TRABD: variants seen among roughly 807,000 people sequenced by gnomAD.
The protein encoded by TRABD is TraB domain containing, also known as traB domain-containing protein.
TRABD carries 23 observed loss-of-function variants against 39.6 expected under a neutral mutation model. The ratio of observed to expected loss-of-function variants is 0.58; its 90% CI spans 0.42 to 0.82. The LOEUF is 0.82. Among genes scored for constraint, TRABD ranks in the 40% least tolerant of loss-of-function variants. The pLI, the probability that TRABD is intolerant of heterozygous loss-of-function variation, is 0.00. For missense variants in TRABD, 487 were observed against 544.9 expected (o/e 0.89, Z 1.06); for synonymous variants, 243 against 232.1 (o/e 1.05, Z -0.43).
At chr22:50,191,181 G>C (rs765853547) in intron 1 of TRABD, among the ~76,000 whole-genome samples, 5 of 152,140 alleles carry the variant, frequency 3.3e-5, no homozygotes, top group Non-Finnish European at 7.4e-5. Context: ...AGAAGTCCCG[G>C]CTGTCCAAGA....
At chr22:50,192,810 G>A (rs2063954004) in intron 1 of TRABD, among the ~76,000 whole-genome samples, 1 of 11,016 alleles carries the variant, frequency 9.1e-5, no homozygotes, top group African/African-American at 1.7e-3. Context: ...ATGCTGGGGT[G>A]TCTGGGGACC....
At position 50,197,962 on chromosome 22, in the gene TRABD, G is replaced by C; in HGVS notation, c.811G>C (p.Ala271Pro). The change falls in exon 8 of 10, where the codon GCG becomes CCG. Residue 271 changes from alanine (A) to proline (P), a missense_variant. Around this residue, in one of 3 missense-constraint regions of TRABD, gnomAD observed 358 missense variants for 414.7 expected, o/e 0.86. Coordinates refer to ENST00000380909, the MANE Select transcript of TRABD (RefSeq NM_001320485.2). ...VYLTYMLRQA[A>P]RRLELPRASD... Reference sequence around the variant, plus strand: ...CCTAACCTACATGCTGCGCCAGGCCGCGCGGCGCCTCGAGCTGCCTCGGGC... The same window carrying C: ...CCTAACCTACATGCTGCGCCAGGCCCCGCGGCGCCTCGAGCTGCCTCGGGC... 1 of 1,612,554 alleles carries C rather than the reference G, an allele frequency of 6.2e-7. No homozygotes were observed. The highest frequency in any genetic ancestry group is 8.5e-7 in the Non-Finnish European group (1 of 1,179,824).
Position 50,194,410 on chromosome 22 carries a change from G to T in TRABD, c.183G>T (p.Pro61=). 6.2e-7 allele frequency: 1 copy of T among 1,612,916 alleles called. No homozygotes were observed. The highest frequency in any genetic ancestry group is 8.5e-7 in the Non-Finnish European group (1 of 1,179,800). ...GGCGGCGTCAGCGGCCCAACCTGCC[G>T]CGCACTGTGACCCAGTTGGTGGCTG... ...LKRRRQRPNL[P]RTVTQLVAED... The change falls in exon 4 of 10, where the codon CCG becomes CCT. Residue 61 remains proline, a synonymous_variant. Transcript: ENST00000380909.
chr22:50,189,349 T>A (rs2063834859), intron 1 of TRABD, among the ~76,000 whole-genome samples: 2 of 152,332 alleles, frequency 1.3e-5, no homozygotes, highest in South Asian at 4.1e-4. Context: ...GGACCCTGTC[T>A]GCCGGCTACC....
Position 50,198,251 on chromosome 22 carries a change from G to A in TRABD, c.956+65G>A. ...CCCCCAGGTGGAGGCTGAGCGCCCT[G>A]GAGGCCAACCACATGCGGCAGTGAC... On this transcript the variant is annotated intron_variant, in intron 9 of 9. Transcript: ENST00000380909. The surrounding 1 kb of genome is among the most constrained non-coding windows in gnomAD (Gnocchi z 7.9). 2 of 1,542,226 alleles carry A rather than the reference G, an allele frequency of 1.3e-6. No homozygotes were observed. Among genetic ancestry groups the A allele is most frequent in the Non-Finnish European group, 8.8e-7 (1 of 1,134,506 alleles).
At chr22:50,186,641 G>T (rs961416212) in intron 1 of TRABD, among the ~76,000 whole-genome samples, 1 of 152,152 alleles carries the variant, frequency 6.6e-6, no homozygotes, top group African/African-American at 2.4e-5. Context: ...GGGGGTGCTG[G>T]GGGAGGCCGA....
At chr22:50,197,763 A>AGGCCCCCCCCCCCCCCCCCCCGG in intron 7 of TRABD, 60 bp from the exon 8 acceptor site, 1 of 1,439,774 alleles carries the variant, frequency 6.9e-7, no homozygotes, top group Non-Finnish European at 9.7e-7. Context: ...CCACAGTGCC[A>AGGCCCCCCCCCCCCCCCCCCCGG]GCCCCACCCC....
rs1376863559 is a variant in TRABD at position 50,198,212 on chromosome 22, C to G, written c.956+26C>G. 6.3e-7 allele frequency: 1 copy of G among 1,583,188 alleles called. No individual in the cohort carries two copies. The highest frequency in any genetic ancestry group is 1.4e-5 in the African/African-American group (1 of 74,042). ...GTGAGTGCCCGCCCCTCCCTGCAAGCCCCACCCCACAAGCCCCCAGGTGGA... is the reference window on the plus strand; with the variant it reads ...GTGAGTGCCCGCCCCTCCCTGCAAGGCCCACCCCACAAGCCCCCAGGTGGA... On this transcript the variant is annotated intron_variant, in intron 9 of 9. Coordinates refer to ENST00000380909, the MANE Select transcript of TRABD (RefSeq NM_001320485.2). The surrounding 1 kb of genome is among the most constrained non-coding windows in gnomAD (Gnocchi z 7.9).
intron 2 of TRABD, among the ~76,000 whole-genome samples, chr22:50,193,296 G>A (rs182107686): frequency 1.3e-5 from 2 of 152,316 alleles, no homozygotes; most frequent in East Asian, 3.9e-4. Context: ...CTTGATGGCA[G>A]CCGTGCCAGT....
rs965246395 is a variant in TRABD at position 50,199,291 on chromosome 22, G to A, written c.*772G>A. On this transcript the variant is annotated 3_prime_UTR_variant, in exon 10 of 10. Coordinates refer to ENST00000380909, the MANE Select transcript of TRABD (RefSeq NM_001320485.2). ...AGCCCCCGGAGCGAAGGGGTGCCTG[G>A]GGCATCTTGGCCCTCTCTGGGCAGA... is the stretch of plus-strand genomic sequence containing the variant. The A allele has an allele frequency of 1.0e-5, 6 of 589,114 alleles. No individual in the cohort carries two copies. Among genetic ancestry groups the A allele is most frequent in the African/African-American group, 1.9e-5 (1 of 53,318 alleles). The allele number at this position is 589,114 out of a possible 1,614,324, so 36.5% of individuals were successfully genotyped here. A position where few individuals can be genotyped will look rare whatever the true frequency, so the allele number is the denominator to read the frequency against.
Position 50,193,567 on chromosome 22 carries a change from C to T in TRABD, c.34-9C>T, listed in dbSNP as rs777999093. 3.1e-6 allele frequency: 5 copies of T among 1,613,716 alleles called. No homozygotes were observed. The highest frequency in any genetic ancestry group is 4.2e-6 in the Non-Finnish European group (5 of 1,179,888). Reference sequence around the variant, plus strand: ...GGACCCTGACTTGAACTCTCCTTTCCACCTGCAGGCCAACGTGGAACCTGT... The same window carrying T: ...GGACCCTGACTTGAACTCTCCTTTCTACCTGCAGGCCAACGTGGAACCTGT... On this transcript the variant is annotated splice_polypyrimidine_tract_variant and intron_variant, in intron 2 of 9. Transcript: ENST00000380909.
intron 1 of TRABD, chr22:50,192,161 G>C (rs2063925345): frequency 6.6e-6 from 1 of 152,304 alleles, no homozygotes; most frequent in Non-Finnish European, 1.5e-5. Flanking sequence ...GGCATTCCGT[G>C]GCTGAGAACA....
intron 1 of TRABD, among the ~76,000 whole-genome samples, chr22:50,187,459 C>T (rs1157824981): frequency 6.6e-6 from 1 of 152,238 alleles, no homozygotes; most frequent in Non-Finnish European, 1.5e-5. Context: ...TTCTGCAACC[C>T]CCAGGTCTGA....
rs533773612 is a variant in TRABD at position 50,198,008 on chromosome 22, C to T, written c.844+13C>T. The T allele has an allele frequency of 1.5e-5, 24 of 1,610,728 alleles. No individual in the cohort carries two copies. The highest frequency in any genetic ancestry group is 4.4e-5 in the South Asian group (4 of 90,948). ...CGGGCCTCTGACGGTGACGGCCGCC[C>T]GCAGGCGTGGGACCCCCTGTGAGGC... On this transcript the variant is annotated intron_variant, in intron 8 of 9. Coordinates refer to ENST00000380909, the MANE Select transcript of TRABD (RefSeq NM_001320485.2). This position sits in a 1 kb window ranked among gnomAD's most constrained non-coding sequence, Gnocchi z 7.9.
intron 7 of TRABD, 60 bp from the exon 8 acceptor site, chr22:50,197,763 A>AGGGCCCCCCCCCCCCCCCCCCCT: frequency 1.4e-6 from 2 of 1,439,782 alleles, no homozygotes; most frequent in Non-Finnish European, 1.9e-6. Flanking sequence ...CCACAGTGCC[A>AGGGCCCCCCCCCCCCCCCCCCCT]GCCCCACCCC....
At position 50,197,190 on chromosome 22, in the gene TRABD, C is replaced by CGCGGGGGG; in HGVS notation, c.421-49_421-48insGGGGGGGC. 6 of 1,549,316 alleles carry CGCGGGGGG rather than the reference C, an allele frequency of 3.9e-6. No homozygotes were observed. The African/African-American group carries it at 4.1e-5, about 11-fold the overall frequency. On this transcript the variant is annotated intron_variant, in intron 5 of 9. Coordinates refer to ENST00000380909, the MANE Select transcript of TRABD (RefSeq NM_001320485.2). ...CATCCCAGTTCTGCCATTCCCCCAGCGCACCCCCGCACCCGCCCCTCCAGC... is the reference window on the plus strand; with the variant it reads ...CATCCCAGTTCTGCCATTCCCCCAGCGCGGGGGGGCACCCCCGCACCCGCCCCTCCAGC...
rs368207648 is a variant in TRABD at position 50,189,094 on chromosome 22, C to G, written c.-35+3118C>G. Among the ~76,000 whole-genome samples the G allele has an allele frequency of 1.2e-4, 19 of 152,356 alleles. No individual in the cohort carries two copies. In the East Asian group the frequency reaches 2.3e-3, roughly 19 times the overall value. Reference sequence around the variant, plus strand: ...GTCTCCTGAAATCGGGCTGCTAAGTCTTTTCTTGCCCTGTGGGTCTCCACC... The same window carrying G: ...GTCTCCTGAAATCGGGCTGCTAAGTGTTTTCTTGCCCTGTGGGTCTCCACC... On this transcript the variant is annotated intron_variant, in intron 1 of 9. Coordinates refer to ENST00000380909, the MANE Select transcript of TRABD (RefSeq NM_001320485.2).
In TRABD at chr22:50,198,616, A is replaced by C; in HGVS notation, c.*97A>C. The C allele has an allele frequency of 7.8e-7, 1 of 1,289,406 alleles. No individual in the cohort carries two copies. Among genetic ancestry groups the C allele is most frequent in the Non-Finnish European group, 1.0e-6 (1 of 980,164 alleles). 79.9% of individuals were successfully genotyped at this position (1,289,406 alleles called of 1,614,324 possible). A position where few individuals can be genotyped will look rare whatever the true frequency, so the allele number is the denominator to read the frequency against. On this transcript the variant is annotated 3_prime_UTR_variant, in exon 10 of 10. Transcript: ENST00000380909. This position sits in a 1 kb window ranked among gnomAD's most constrained non-coding sequence, Gnocchi z 7.9. ...TCCTAGCCCGCCCGAGGCCCCTGCCACCCCCCATGGGGGTCTGGGCCCGGC... is the reference window on the plus strand; with the variant it reads ...TCCTAGCCCGCCCGAGGCCCCTGCCCCCCCCCATGGGGGTCTGGGCCCGGC...
intron 4 of TRABD, 77 bp from the exon 5 acceptor site, chr22:50,194,822 GC>G: frequency 6.5e-7 from 1 of 1,548,674 alleles, no homozygotes. Context: ...CTGGGATGGG[GC>G]CCCTGGTGCT....
Sources: gnomAD v4.1 joint callset for allele counts (sites outside exome capture counted in the v4.1 genomes callset) on GRCh38, gnomAD v4.1.1 for gene constraint, gnomAD v4.1.1 regional missense constraint, Gnocchi (gnomAD v3.1) non-coding constraint, MANE v1.5 for transcripts, NCBI Gene and HGNC (gene_info 2026-07-23, HGNC 2026-07-21) for gene names.